The following XKR5 variants were observed in gnomAD, a reference collection of about 807,000 sequenced individuals.
XKR5 encodes XK-related protein 5.
A neutral mutation model predicts 40.8 loss-of-function variants in XKR5; 46 were observed. That is an observed-to-expected ratio of 1.13 (90% CI 0.89 to 1.44). XKR5 has a LOEUF of 1.44. Among genes scored for constraint, XKR5 ranks in the 40% most tolerant of loss-of-function variants. XKR5 has a pLI of 0.00. For missense variants in XKR5, 1,169 were observed against 844.7 expected, an observed-to-expected ratio of 1.38 and a Z score of -4.76; for synonymous variants, 466 against 356.1, an observed-to-expected ratio of 1.31 and a Z score of -3.48.
chr8:6,825,774 C>A (rs953793352), intron 2 of XKR5, among the ~76,000 whole-genome samples: 1 of 152,104 alleles, frequency 6.6e-6, no homozygotes, highest in East Asian at 1.9e-4. Context: ...CTTTGAAGGA[C>A]AAAAAGTAGA....
At chr8:6,821,556 T>C (rs1175082796) in intron 5 of XKR5, among the ~76,000 whole-genome samples, 1 of 152,158 alleles carries the variant, frequency 6.6e-6, no homozygotes, top group Non-Finnish European at 1.5e-5. Flanking sequence ...ACATTGAGTA[T>C]ATGATATTAT....
intron 5 of XKR5, among the ~76,000 whole-genome samples, chr8:6,820,833 T>A (rs1804199758): frequency 6.6e-6 from 1 of 152,168 alleles, no homozygotes; most frequent in African/African-American, 2.4e-5. Context: ...CTAGGACGCT[T>A]CCCTTTCCTG....
chr8:6,819,406 C>A (rs957792105), intron 5 of XKR5, among the ~76,000 whole-genome samples: 4 of 152,246 alleles, frequency 2.6e-5, no homozygotes, highest in Non-Finnish European at 5.9e-5. Context: ...TGGCCTCAGG[C>A]TTCCAAGATC....
intron 1 of XKR5, among the ~76,000 whole-genome samples, chr8:6,834,249 G>A (rs796432377): frequency 2.0e-5 from 3 of 152,336 alleles, no homozygotes; most frequent in African/African-American, 4.8e-5. Flanking sequence ...CTAAGTGGAT[G>A]AATGAACACA....
chr8:6,832,689 C>A (rs774976845), intron 2 of XKR5, 28 bp downstream of exon 2: 7 of 1,611,380 alleles, frequency 4.3e-6, no homozygotes, highest in Non-Finnish European at 5.9e-6. Context: ...AATTGTGCTC[C>A]AGAGGTGAAA....
Position 6,832,728 on chromosome 8 carries a change from A to T in XKR5, c.231T>A (p.Gly77=). 1 of 1,612,948 alleles carries T rather than the reference A, an allele frequency of 6.2e-7. No individual in the cohort carries two copies. The highest frequency in any genetic ancestry group is 1.3e-5 in the African/African-American group (1 of 74,986). ...GCAGCTGTTCTTACCGCTTCCAAAC[A>T]CCAAGCTGTAGGAGGTGCAGCATCA... ...SLMMLHLLQL[G]VWKRHWDAAL... Residue 77 remains glycine, a synonymous_variant, in exon 2 of 7, where the codon GGT becomes GGA. Transcript: ENST00000618742.
At chr8:6,830,678 C>G (rs1053023183) in intron 2 of XKR5, among the ~76,000 whole-genome samples, 5 of 152,082 alleles carry the variant, frequency 3.3e-5, no homozygotes, top group Non-Finnish European at 5.9e-5. Flanking sequence ...ATCTTAACTT[C>G]TTTTTCAAAA....
intron 2 of XKR5, among the ~76,000 whole-genome samples, chr8:6,831,905 C>T (rs1293636853): frequency 6.6e-6 from 1 of 151,098 alleles, no homozygotes; most frequent in Non-Finnish European, 1.5e-5. Flanking sequence ...GTCCCGCCTA[C>T]TCAACAGGCT....
In XKR5 at chr8:6,826,296, G is replaced by T. The variant is rs114749087; in HGVS notation, c.243-947C>A. Among the ~76,000 whole-genome samples the T allele has an allele frequency of 6.8e-3, 1,036 of 152,178 alleles. 10 individuals carry two copies. Among genetic ancestry groups the T allele is most frequent in the African/African-American group, 0.022 (927 of 41,474 alleles). On this transcript the variant is annotated intron_variant, in intron 2 of 6. Coordinates refer to ENST00000618742, the MANE Select transcript of XKR5 (RefSeq NM_207411.5). The stretch of plus-strand genomic sequence containing the variant: ...GGTATATGTGTGTATATTCATGTAT[G>T]TGTGCAGTGTGTATCTGTAGTGTGT...
At chr8:6,816,242 C>G (rs1399935645) in intron 5 of XKR5, among the ~76,000 whole-genome samples, 1 of 152,178 alleles carries the variant, frequency 6.6e-6, no homozygotes, top group African/African-American at 2.4e-5. Context: ...TTATTTTCTA[C>G]TTTGCATATT....
chr8:6,835,486 G>C lies in XKR5; in HGVS notation c.8C>G (p.Ala3Gly), dbSNP rs772093563. 8 of 1,501,988 alleles carry C rather than the reference G, an allele frequency of 5.3e-6. No individual in the cohort carries two copies. The Admixed American group carries it at 1.7e-4, about 32-fold the overall frequency. The allele number at this position is 1,501,988 out of a possible 1,614,324, so 93.0% of individuals were successfully genotyped here. MH[A>G]RLLGLSALLQ... Reference sequence around the variant, plus strand: ...CAGGGCCGAGAGCCCCAGGAGCCTCGCGTGCATCTTCCGTGCCGACCCCGC... The same window carrying C: ...CAGGGCCGAGAGCCCCAGGAGCCTCCCGTGCATCTTCCGTGCCGACCCCGC... Residue 3 changes from alanine (A) to glycine (G), a missense_variant, in exon 1 of 7, where the codon GCG becomes GGG. Transcript: ENST00000618742.
At position 6,815,715 on chromosome 8, in the gene XKR5, C is replaced by G. The variant is rs1302359121; in HGVS notation, c.919+92G>C. The G allele has an allele frequency of 5.8e-6, 5 of 865,612 alleles. No individual in the cohort carries two copies. In the East Asian group the frequency reaches 1.1e-4, roughly 19 times the overall value. The allele number at this position is 865,612 out of a possible 1,614,324, so 53.6% of individuals were successfully genotyped here. On this transcript the variant is annotated intron_variant, in intron 6 of 6. Transcript: ENST00000618742. ...TTCCTTGGTCTCCAGTTAACCACAT[C>G]TGAACTCAGTTTCCTACCCTTTGAG...
Position 6,812,127 on chromosome 8 carries a change from G to A in XKR5, c.1132C>T (p.Pro378Ser). Reference protein sequence around the residue: ...SYEPTILGKPPTPEQVPPEAG... With the variant: ...SYEPTILGKPSTPEQVPPEAG... Reference sequence around the variant, plus strand: ...TCTGGGGGGACCTGCTCAGGGGTAGGGGGCTTCCCTAAAATGGTTGGTTCA... The same window carrying A: ...TCTGGGGGGACCTGCTCAGGGGTAGAGGGCTTCCCTAAAATGGTTGGTTCA... The change falls in exon 7 of 7, where the codon CCT becomes TCT. Residue 378 changes from proline to serine, a missense_variant. Physicochemically the swap from Pro to Ser is moderately conservative, Grantham distance 74. Transcript: ENST00000618742. 1.3e-6 allele frequency: 2 copies of A among 1,549,306 alleles called. No homozygotes were observed. Among genetic ancestry groups the A allele is most frequent in the Non-Finnish European group, 1.7e-6 (2 of 1,146,998 alleles).
At position 6,812,031 on chromosome 8, in the gene XKR5, G is replaced by C. The variant is rs1438124505; in HGVS notation, c.1228C>G (p.Leu410Val). Residue 410 changes from leucine to valine, a missense_variant, in exon 7 of 7, where the codon CTT becomes GTT. Coordinates refer to ENST00000618742, the MANE Select transcript of XKR5 (RefSeq NM_207411.5). ...LSHHHWLWVK[L>V]ALKTGNVSKI... The stretch of plus-strand genomic sequence containing the variant: ...GACACATTTCCTGTTTTTAGGGCAA[G>C]TTTCACCCACAGCCAGTGGTGATGA... 1.3e-6 allele frequency: 2 copies of C among 1,537,862 alleles called. No individual in the cohort carries two copies. The highest frequency in any genetic ancestry group is 3.9e-5 in the Admixed American group (2 of 51,004).
At chr8:6,826,848 G>A (rs1385369729) in intron 2 of XKR5, among the ~76,000 whole-genome samples, 12 of 152,200 alleles carry the variant, frequency 7.9e-5, no homozygotes, top group Non-Finnish European at 1.5e-5. Context: ...GGAGAGAGCT[G>A]CTGATCTCTG....
chr8:6,823,414 G>A, intron 4 of XKR5, 107 bp downstream of exon 4: 1 of 1,198,882 alleles, frequency 8.3e-7, no homozygotes, highest in Non-Finnish European at 1.2e-6. Context: ...AGCCCAGTCA[G>A]CCTTCAGGCC....
chr8:6,835,032 C>T (rs1298976120), intron 1 of XKR5, among the ~76,000 whole-genome samples: 1 of 152,180 alleles, frequency 6.6e-6, no homozygotes, highest in African/African-American at 2.4e-5. Flanking sequence ...CGCCCCCAGA[C>T]TTGCGCTCAG....
chr8:6,811,945 C>T lies in XKR5; in HGVS notation c.1314G>A (p.Leu438=), dbSNP rs748934239. The part of the protein sequence containing the change: ...SPAYCPPAWG[L]SQQDYLQRKA... ...TTCTCTGCAGGTAGTCCTGTTGACT[C>T]AACCCCCATGCAGGTGGACAATAGG... is the stretch of plus-strand genomic sequence containing the variant. The change falls in exon 7 of 7, where the codon TTG becomes TTA. Residue 438 remains leucine (L), a synonymous_variant. Coordinates refer to ENST00000618742, the MANE Select transcript of XKR5 (RefSeq NM_207411.5). 1.3e-6 allele frequency: 2 copies of T among 1,537,376 alleles called. No individual in the cohort carries two copies. Among genetic ancestry groups the T allele is most frequent in the South Asian group, 2.4e-5 (2 of 84,066 alleles).
Position 6,815,847 on chromosome 8 carries a change from G to A in XKR5, c.879C>T (p.Ser293=), listed in dbSNP as rs1803931778. ...ACAGGACCCCAGCTATGGTCTGCAG[G>A]CTGGTCCACGATGCCCCCTGGAGAA... ...TDFLQGASWT[S]LQTIAGVLSG... is the part of the protein sequence containing the mutation. Residue 293 remains serine (S), a synonymous_variant, in exon 6 of 7, where the codon AGC becomes AGT. Transcript: ENST00000618742. 6.2e-7 allele frequency: 1 copy of A among 1,605,532 alleles called. No homozygotes were observed. Among genetic ancestry groups the A allele is most frequent in the Non-Finnish European group, 8.5e-7 (1 of 1,176,174 alleles).
Sources: gnomAD v4.1 joint callset for allele counts (sites outside exome capture counted in the v4.1 genomes callset) on GRCh38, gnomAD v4.1.1 for gene constraint, MANE v1.5 for transcripts, NCBI Gene and HGNC (gene_info 2026-07-23, HGNC 2026-07-21) for gene names.